The following METTL21C variants were observed in gnomAD, a reference collection of about 807,000 sequenced individuals.
The protein encoded by METTL21C is protein-lysine methyltransferase METTL21C.
In METTL21C, 21 loss-of-function variants were observed where a neutral mutation model predicts 25.9. The ratio of observed to expected loss-of-function variants is 0.81; its 90% CI spans 0.58 to 1.17. The LOEUF (loss-of-function observed/expected upper bound fraction) is 1.17, where lower values mean the gene tolerates loss of function less well. Ranked by LOEUF, METTL21C falls within the 50% of genes most tolerant of loss-of-function variation. The pLI is 0.00. For synonymous variants in METTL21C, 125 were observed against 124.7 expected (o/e 1.00, Z -0.01); for missense variants, 312 against 315.1 (o/e 0.99, Z 0.07).
chr13:102,700,157 TG>T, the METTL21C span, among the ~76,000 whole-genome samples: 2 of 152,208 alleles, frequency 1.3e-5, no homozygotes, highest in Admixed American at 6.5e-5. Context: ...CCAATAGGTT[TG>T]GAAACAGCAG....
upstream of METTL21C, among the ~76,000 whole-genome samples, chr13:102,696,915 C>CG (rs1165446395): frequency 6.6e-6 from 1 of 151,994 alleles, no homozygotes; most frequent in Non-Finnish European, 1.5e-5. Context: ...AAGGGATTGA[C>CG]GGGGGGCAGG....
In METTL21C at chr13:102,690,823, A is replaced by G. The variant is rs1359917852; in HGVS notation, c.272T>C (p.Val91Ala). The stretch of plus-strand genomic sequence containing the variant: ...TGACAGTTCTCTCACCCCTGGCCAC[A>G]CCACCGCTCCGTAACTCTCTATGGA... ...QESIESYGAV[V>A]WPGAMALCQY... The change falls in exon 2 of 4, where the codon GTG (valine) becomes GCG (alanine). Residue 91 changes from valine (V) to alanine (A), a missense_variant. Val to Ala is a moderately conservative substitution (Grantham distance 64). Coordinates refer to ENST00000267273, the MANE Select transcript of METTL21C (RefSeq NM_001010977.3). 6.2e-7 allele frequency: 1 copy of G among 1,613,880 alleles called. No homozygotes were observed. Among genetic ancestry groups the G allele is most frequent in the Admixed American group, 1.7e-5 (1 of 59,984 alleles).
chr13:102,702,772 G>T, the METTL21C span, among the ~76,000 whole-genome samples: 2 of 152,070 alleles, frequency 1.3e-5, no homozygotes, highest in Admixed American at 6.5e-5. Context: ...TGTATTTTTA[G>T]TAGAGACAGG....
At chr13:102,688,080 A>T (rs985263213) in intron 2 of METTL21C, among the ~76,000 whole-genome samples, 1 of 152,226 alleles carries the variant, frequency 6.6e-6, no homozygotes, top group African/African-American at 2.4e-5. Context: ...GAACACTGAG[A>T]TTTAAAAAAC....
At chr13:102,702,782 G>A in the METTL21C span, among the ~76,000 whole-genome samples, 5 of 151,976 alleles carry the variant, frequency 3.3e-5, no homozygotes, top group Admixed American at 3.3e-4. Context: ...GTAGAGACAG[G>A]GTTTCACCAT....
chr13:102,690,138 C>G (rs1363401031), intron 2 of METTL21C, among the ~76,000 whole-genome samples: 1 of 151,928 alleles, frequency 6.6e-6, no homozygotes, highest in Non-Finnish European at 1.5e-5. Flanking sequence ...AATGGCTGGC[C>G]GGCCGGGCGT....
At chr13:102,691,079 G>A (rs1885819637) in intron 1 of METTL21C, 115 bp from the exon 2 acceptor site, 3 of 1,146,710 alleles carry the variant, frequency 2.6e-6, no homozygotes, top group East Asian at 4.8e-5. Context: ...ATAAAGAGAA[G>A]GGATGATGCT....
At chr13:102,691,655 C>A (rs1416398255) in intron 1 of METTL21C, among the ~76,000 whole-genome samples, 2 of 152,202 alleles carry the variant, frequency 1.3e-5, no homozygotes, top group African/African-American at 4.8e-5. Flanking sequence ...GCCAGACCTG[C>A]CTATTTTTAG....
At position 102,686,061 on chromosome 13, in the gene METTL21C, TTTG is replaced by T; in HGVS notation, c.762_764del (p.Lys255del). 9.4e-6 allele frequency: 15 copies of T among 1,593,870 alleles called. No individual in the cohort carries two copies. In the African/African-American group the frequency reaches 1.1e-4, roughly 11 times the overall value. On this transcript the variant is annotated inframe_deletion, in exon 4 of 4. Coordinates refer to ENST00000267273, the MANE Select transcript of METTL21C (RefSeq NM_001010977.3). ...CCCATTTTAGTATCCCCTTAAAAAG[TTTG>T]ACTGATGACTCTGGATATTCAGCCA...
chr13:102,691,890 C>T (rs1162903807), intron 1 of METTL21C, among the ~76,000 whole-genome samples: 1 of 152,182 alleles, frequency 6.6e-6, no homozygotes, highest in African/African-American at 2.4e-5. Flanking sequence ...AAAAGAGCAC[C>T]TGATCGGGCT....
chr13:102,700,730 G>A, the METTL21C span, among the ~76,000 whole-genome samples: 1 of 152,128 alleles, frequency 6.6e-6, no homozygotes, highest in South Asian at 2.1e-4. Flanking sequence ...AAATGTATCA[G>A]TGTGGAAACA....
upstream of METTL21C, among the ~76,000 whole-genome samples, chr13:102,698,298 G>T (rs1249625151): frequency 6.6e-6 from 1 of 152,086 alleles, no homozygotes; most frequent in African/African-American, 2.4e-5. Flanking sequence ...TATTCATCAG[G>T]GAAGAAGGGA....
At chr13:102,698,821 G>A (rs909547867), upstream of METTL21C, among the ~76,000 whole-genome samples, 5 of 152,114 alleles carry the variant, frequency 3.3e-5, no homozygotes, top group African/African-American at 1.2e-4. Flanking sequence ...CTACACAGTG[G>A]GCATATGAAC....
chr13:102,692,594 A>T (rs1193514224), intron 1 of METTL21C, among the ~76,000 whole-genome samples: 8 of 152,108 alleles, frequency 5.3e-5, no homozygotes, highest in African/African-American at 1.9e-4. Flanking sequence ...GAATGAAGTG[A>T]CTCATTTGTA....
upstream of METTL21C, among the ~76,000 whole-genome samples, chr13:102,696,539 A>T (rs912203933): frequency 6.6e-6 from 1 of 152,198 alleles, no homozygotes; most frequent in Non-Finnish European, 1.5e-5. Flanking sequence ...AAATAATTTA[A>T]AAAACAGTTC....
At chr13:102,695,867 G>A (rs1211500224), upstream of METTL21C, among the ~76,000 whole-genome samples, 1 of 152,156 alleles carries the variant, frequency 6.6e-6, no homozygotes, top group Non-Finnish European at 1.5e-5. Flanking sequence ...ATAGTCATCA[G>A]TACAATTCTA....
chr13:102,686,251 G>T lies in METTL21C; in HGVS notation c.575C>A (p.Ala192Asp). 6.2e-7 allele frequency: 1 copy of T among 1,614,174 alleles called. No homozygotes were observed. The highest frequency in any genetic ancestry group is 8.5e-7 in the Non-Finnish European group (1 of 1,180,022). Reference protein sequence around the residue: ...KSAFYYDYVLASDVVYHHYFL... With the variant: ...KSAFYYDYVLDSDVVYHHYFL... ...GTAGTGATGGTAGACCACATCTGAG[G>T]CTAGGACGTAATCATAGTAAAAAGC... The change falls in exon 4 of 4, where the codon GCC (alanine) becomes GAC (aspartate). Residue 192 changes from alanine (A) to aspartate (D), a missense_variant. Physicochemically the swap from Ala to Asp is moderately radical, Grantham distance 126. Transcript: ENST00000267273.
At chr13:102,701,514 G>A in the METTL21C span, among the ~76,000 whole-genome samples, 2 of 152,196 alleles carry the variant, frequency 1.3e-5, no homozygotes, top group African/African-American at 2.4e-5. Flanking sequence ...TGCCCCTTGC[G>A]TGCAAATCTT....
the METTL21C span, among the ~76,000 whole-genome samples, chr13:102,703,709 T>G: frequency 3.9e-5 from 6 of 152,328 alleles, no homozygotes; most frequent in Admixed American, 2.6e-4. Context: ...AAATATATAA[T>G]TCAAAATCTA....
Sources: allele counts gnomAD v4.1 joint callset (sites outside exome capture counted in the v4.1 genomes callset), GRCh38; gene constraint gnomAD v4.1.1; transcripts MANE v1.5; gene names NCBI Gene and HGNC (gene_info 2026-07-23, HGNC 2026-07-21).